KNG1: variants seen among roughly 807,000 people sequenced by gnomAD.
KNG1 encodes the protein kininogen-1.
A neutral mutation model predicts 47.8 loss-of-function variants in KNG1; 23 were observed. That is an observed-to-expected ratio of 0.48 (90% confidence interval 0.35 to 0.68). The LOEUF (loss-of-function observed/expected upper bound fraction) is 0.68, where lower values mean the gene tolerates loss of function less well. Ranked by LOEUF, KNG1 falls within the 30% of genes least tolerant of loss-of-function variation. KNG1 has a pLI of 0.01. For synonymous variants in KNG1, 277 were observed against 277.0 expected (o/e 1.00, Z 0.00); for missense variants, 762 against 790.2 (o/e 0.96, Z 0.43).
In KNG1 at chr3:186,739,476, G is replaced by A. The variant is rs572230313; in HGVS notation, c.1125+62G>A. On this transcript the variant is annotated intron_variant, in intron 9 of 9. Transcript: ENST00000644859. Reference sequence around the variant, plus strand: ...TGCTCATTCTGAAAATCCATATTTGGGGGCTGAAAATGAACCATTACTGAA... The same window carrying A: ...TGCTCATTCTGAAAATCCATATTTGAGGGCTGAAAATGAACCATTACTGAA... 4.4e-6 allele frequency: 5 copies of A among 1,148,472 alleles called. No individual in the cohort carries two copies. In the South Asian group the frequency reaches 6.2e-5, roughly 14 times the overall value. 71.1% of individuals were successfully genotyped at this position (1,148,472 alleles called of 1,614,324 possible). A position where few individuals can be genotyped will look rare whatever the true frequency, so the allele number is the denominator to read the frequency against.
In KNG1 at chr3:186,720,214, C is replaced by A; in HGVS notation, c.305C>A (p.Ala102Glu). 4 of 1,601,638 alleles carry A rather than the reference C, an allele frequency of 2.5e-6. No homozygotes were observed. Among genetic ancestry groups the A allele is most frequent in the Non-Finnish European group, 3.4e-6 (4 of 1,168,754 alleles). The change falls in exon 2 of 10, where the codon GCA becomes GAA. Residue 102 changes from alanine to glutamate, a missense_variant and splice_region_variant. Physicochemically the swap from Ala to Glu is moderately radical, Grantham distance 107. Coordinates refer to ENST00000644859, the MANE Select transcript of KNG1 (RefSeq NM_001102416.3). Reference protein sequence around the residue: ...QDCEYKDAAKAATGECTATVG... With the variant: ...QDCEYKDAAKEATGECTATVG... ...TGTGAGTACAAGGATGCTGCAAAAG[C>A]AGTAAGTGTATTGGCCATTCTTGGG...
rs769240747 is a variant in KNG1, at chr3:186,720,207, G to A, written c.298G>A (p.Ala100Thr). The A allele has an allele frequency of 5.6e-6, 9 of 1,606,378 alleles. No individual in the cohort carries two copies. The highest frequency in any genetic ancestry group is 6.8e-6 in the Non-Finnish European group (8 of 1,173,076). Residue 100 changes from alanine to threonine, a missense_variant, in exon 2 of 10, where the codon GCA becomes ACA. Ala to Thr is a moderately conservative substitution (Grantham distance 58). Coordinates refer to ENST00000644859, the MANE Select transcript of KNG1 (RefSeq NM_001102416.3). ...TWQDCEYKDA[A>T]KAATGECTAT... is the part of the protein sequence containing the mutation. ...GCAGGACTGTGAGTACAAGGATGCT[G>A]CAAAAGCAGTAAGTGTATTGGCCAT... is the stretch of plus-strand genomic sequence containing the variant.
rs890759043 is a variant in KNG1 at position 186,742,903 on chromosome 3, A to G, written c.*572A>G. 1 of 979,184 alleles carries G rather than the reference A, an allele frequency of 1.0e-6. No homozygotes were observed. Among genetic ancestry groups the G allele is most frequent in the African/African-American group, 1.8e-5 (1 of 57,116 alleles). The allele number at this position is 979,184 out of a possible 1,614,324, so 60.7% of individuals were successfully genotyped here. A position where few individuals can be genotyped will look rare whatever the true frequency, so the allele number is the denominator to read the frequency against. On this transcript the variant is annotated 3_prime_UTR_variant, in exon 10 of 10. Coordinates refer to ENST00000644859, the MANE Select transcript of KNG1 (RefSeq NM_001102416.3). ...TCTGTCTCAGAAAAAAAGAAAAAAA[A>G]AGAAATAATAAGAAAAACTTCCAGA...
rs1283853349 is a variant in KNG1 at position 186,742,094 on chromosome 3, T to C, written c.1698T>C (p.Ser566=). The change falls in exon 10 of 10, where the codon TCT becomes TCC. Residue 566 remains serine, a synonymous_variant. Coordinates refer to ENST00000644859, the MANE Select transcript of KNG1 (RefSeq NM_001102416.3). The part of the protein sequence containing the change: ...VTVTFSDFQD[S]DLIATMMPPI... ...TTACCTTTTCTGACTTTCAGGACTCTGATCTCATTGCAACTATGATGCCTC... is the reference window on the plus strand; with the variant it reads ...TTACCTTTTCTGACTTTCAGGACTCCGATCTCATTGCAACTATGATGCCTC... The C allele has an allele frequency of 5.6e-6, 9 of 1,613,984 alleles. No homozygotes were observed. Among genetic ancestry groups the C allele is most frequent in the Non-Finnish European group, 7.6e-6 (9 of 1,179,974 alleles).
At chr3:186,737,039 T>C (rs1366004194) in intron 7 of KNG1, among the ~76,000 whole-genome samples, 1 of 152,076 alleles carries the variant, frequency 6.6e-6, no homozygotes. Context: ...TGAGACTCCG[T>C]CTCAAAAAAT....
Position 186,742,877 on chromosome 3 carries a change from T to G in KNG1, c.*546T>G, listed in dbSNP as rs1233468291. 1.7e-5 allele frequency: 16 copies of G among 964,624 alleles called. No homozygotes were observed. The South Asian group carries it at 6.2e-4, about 38-fold the overall frequency. 59.8% of individuals were successfully genotyped at this position (964,624 alleles called of 1,614,324 possible). On this transcript the variant is annotated 3_prime_UTR_variant, in exon 10 of 10. Coordinates refer to ENST00000644859, the MANE Select transcript of KNG1 (RefSeq NM_001102416.3). ...CTCCAGCCTGGGCATCAGAGCAAGATTCTGTCTCAGAAAAAAAGAAAAAAA... is the reference window on the plus strand; with the variant it reads ...CTCCAGCCTGGGCATCAGAGCAAGAGTCTGTCTCAGAAAAAAAGAAAAAAA...
At chr3:186,732,807 T>A in intron 7 of KNG1, 133 bp downstream of exon 7, 1 of 766,138 alleles carries the variant, frequency 1.3e-6, no homozygotes, top group Admixed American at 1.9e-5. Flanking sequence ...TTAGATTTGG[T>A]AAATTAAGTG....
Position 186,739,194 on chromosome 3 carries a change from CA to C in KNG1, c.1032del (p.Lys344AsnfsTer6), listed in dbSNP as rs1318823203. 4 of 1,613,838 alleles carry C rather than the reference CA, an allele frequency of 2.5e-6. No individual in the cohort carries two copies. Among genetic ancestry groups the C allele is most frequent in the Non-Finnish European group, 3.4e-6 (4 of 1,179,738 alleles). ...AAGAGTTGACCGAAAGCTGTGAGAC[CA>C]AAAAACTTGGCGTGAGTAGTCATGC... ...NEELTESCET[K>X]KLGQSLDCNA... On this transcript the variant is annotated frameshift_variant, in exon 8 of 10. Transcript: ENST00000644859. LOFTEE classifies it high-confidence loss of function.
chr3:186,724,949 G>T, intron 3 of KNG1, 139 bp from the exon 4 acceptor site: 1 of 773,830 alleles, frequency 1.3e-6, no homozygotes, highest in Non-Finnish European at 2.1e-6. Context: ...GACCTCAGGC[G>T]ATCTGCCCGC....
Position 186,743,627 on chromosome 3 carries a change from C to T in KNG1, c.*1296C>T, listed in dbSNP as rs188882813. 9.2e-4 allele frequency: 972 copies of T among 1,051,750 alleles called. 3 individuals are homozygous for T. The highest frequency in any genetic ancestry group is 4.4e-3 in the Middle Eastern group (21 of 4,800). The allele number at this position is 1,051,750 out of a possible 1,614,324, so 65.2% of individuals were successfully genotyped here. A position where few individuals can be genotyped will look rare whatever the true frequency, so the allele number is the denominator to read the frequency against. ...CACAGATGTCAGGAAAAAGTCTTAC[C>T]TTGTCAACTGGTTGCTCCACTTTTT... is the stretch of plus-strand genomic sequence containing the variant. On this transcript the variant is annotated 3_prime_UTR_variant, in exon 10 of 10. Coordinates refer to ENST00000644859, the MANE Select transcript of KNG1 (RefSeq NM_001102416.3).
Position 186,741,967 on chromosome 3 carries a change from T to G in KNG1, c.1571T>G (p.Leu524Trp). The G allele has an allele frequency of 6.2e-7, 1 of 1,614,246 alleles. No homozygotes were observed. The highest frequency in any genetic ancestry group is 1.6e-4 in the Middle Eastern group (1 of 6,062). Residue 524 changes from leucine to tryptophan, a missense_variant, in exon 10 of 10, where the codon TTG (leucine) becomes TGG (tryptophan). By Grantham distance (61) the Leu-to-Trp change is moderately conservative. Coordinates refer to ENST00000644859, the MANE Select transcript of KNG1 (RefSeq NM_001102416.3). Reference sequence around the variant, plus strand: ...CACAATGGTTGGAAAACAGAGCATTTGGCAAGCTCTTCTGAAGACAGTACT... The same window carrying G: ...CACAATGGTTGGAAAACAGAGCATTGGGCAAGCTCTTCTGAAGACAGTACT... ...GKHNGWKTEH[L>W]ASSSEDSTTP...
In KNG1 at chr3:186,739,359, T is replaced by A. The variant is rs1301491890; in HGVS notation, c.1070T>A (p.Val357Glu). The A allele has an allele frequency of 5.0e-6, 8 of 1,614,060 alleles. No homozygotes were observed. Among genetic ancestry groups the A allele is most frequent in the Non-Finnish European group, 5.9e-6 (7 of 1,179,882 alleles). ...CTAGATTGCAACGCTGAAGTTTATG[T>A]GGTACCCTGGGAGAAAAAAATTTAC... ...QSLDCNAEVY[V>E]VPWEKKIYPT... Residue 357 changes from valine (V) to glutamate (E), a missense_variant, in exon 9 of 10, where the codon GTG (valine) becomes GAG (glutamate). Val to Glu is a moderately radical substitution (Grantham distance 121). Coordinates refer to ENST00000644859, the MANE Select transcript of KNG1 (RefSeq NM_001102416.3).
intron 2 of KNG1, chr3:186,722,147 A>C: frequency 4.1e-6 from 1 of 243,432 alleles, no homozygotes; most frequent in Non-Finnish European, 7.9e-6. Flanking sequence ...AAAAATAGGA[A>C]ACAAAAGAAA....
intron 4 of KNG1, among the ~76,000 whole-genome samples, chr3:186,726,951 T>C (rs1359040678): frequency 6.6e-6 from 1 of 152,156 alleles, no homozygotes; most frequent in African/African-American, 2.4e-5. Context: ...AGGAAATCCA[T>C]GTTCCAAAAC....
Position 186,727,360 on chromosome 3 carries a change from T to C in KNG1, c.672+16T>C. 1 of 1,449,978 alleles carries C rather than the reference T, an allele frequency of 6.9e-7. No homozygotes were observed. The highest frequency in any genetic ancestry group is 9.7e-7 in the Non-Finnish European group (1 of 1,030,776). The allele number at this position is 1,449,978 out of a possible 1,614,324, so 89.8% of individuals were successfully genotyped here. ...TTGGAATGGTGTAAGTAGGCAAAAA[T>C]TTAATGATAAAGTTCTTAGCATTTT... is the stretch of plus-strand genomic sequence containing the variant. On this transcript the variant is annotated intron_variant, in intron 5 of 9. Coordinates refer to ENST00000644859, the MANE Select transcript of KNG1 (RefSeq NM_001102416.3).
chr3:186,742,495 C>T lies in KNG1; in HGVS notation c.*164C>T. ...CTCCCAGTGGAGACACCATCAGTCT[C>T]CACGGACTGCATAAAATTGTGTGCC... On this transcript the variant is annotated 3_prime_UTR_variant, in exon 10 of 10. Transcript: ENST00000644859. 6.9e-7 allele frequency: 1 copy of T among 1,448,680 alleles called. No individual in the cohort carries two copies. Among genetic ancestry groups the T allele is most frequent in the Non-Finnish European group, 9.0e-7 (1 of 1,109,194 alleles). The allele number at this position is 1,448,680 out of a possible 1,614,324, so 89.7% of individuals were successfully genotyped here. A position where few individuals can be genotyped will look rare whatever the true frequency, so the allele number is the denominator to read the frequency against.
At chr3:186,719,440 A>C (rs927430732) in intron 1 of KNG1, among the ~76,000 whole-genome samples, 3 of 152,152 alleles carry the variant, frequency 2.0e-5, no homozygotes, top group Non-Finnish European at 2.9e-5. Flanking sequence ...GAAAAAGACC[A>C]CTTAGAAATG....
intron 3 of KNG1, 125 bp downstream of exon 3, chr3:186,722,646 T>C: frequency 1.3e-6 from 1 of 775,488 alleles, no homozygotes; most frequent in Non-Finnish European, 2.2e-6. Flanking sequence ...ATTTGCAGAG[T>C]TAGGGAGCAT....
rs1444323084 is a variant in KNG1, at chr3:186,742,184, T to C, written c.1788T>C (p.Asn596=). The change falls in exon 10 of 10, where the codon AAT becomes AAC. Residue 596 remains asparagine (N), a synonymous_variant. Coordinates refer to ENST00000644859, the MANE Select transcript of KNG1 (RefSeq NM_001102416.3). ...DWIPDIQIDP[N]GLSFNPISDF... ...TCCCTGATATCCAGATAGACCCAAA[T>C]GGCCTTTCATTTAACCCAATATCAG... The C allele has an allele frequency of 1.9e-6, 3 of 1,614,126 alleles. No homozygotes were observed. Among genetic ancestry groups the C allele is most frequent in the South Asian group, 1.1e-5 (1 of 91,074 alleles).
Sources: gnomAD v4.1 joint callset for allele counts (sites outside exome capture counted in the v4.1 genomes callset) on GRCh38, gnomAD v4.1.1 for gene constraint, MANE v1.5 for transcripts, NCBI Gene and HGNC (gene_info 2026-07-23, HGNC 2026-07-21) for gene names.